The following WARS2 variants were observed in gnomAD, a reference collection of about 807,000 sequenced individuals.
The protein encoded by WARS2 is tryptophan--tRNA ligase, mitochondrial.
Under a neutral mutation model 36.5 loss-of-function variants are expected in WARS2, and 28 were observed. The ratio of observed to expected loss-of-function variants is 0.77; its 90% CI spans 0.57 to 1.05. WARS2 has a LOEUF of 1.05. Among genes scored for constraint, WARS2 ranks in the 50% least tolerant of loss-of-function variants. WARS2 has a pLI of 0.00. For missense variants in WARS2, 435 were observed against 456.8 expected (o/e 0.95, Z 0.44); for synonymous variants, 174 against 178.4 (o/e 0.98, Z 0.20).
chr1:119,116,887 G>A (rs147013915), intron 1 of WARS2, among the ~76,000 whole-genome samples: 48 of 152,310 alleles, frequency 3.2e-4, no homozygotes, highest in Non-Finnish European at 6.3e-4. Context: ...ACTTCCCCGA[G>A]TAGAATCCAG....
intron 1 of WARS2, among the ~76,000 whole-genome samples, chr1:119,106,092 C>T (rs1291539726): frequency 1.3e-5 from 2 of 152,154 alleles, no homozygotes; most frequent in African/African-American, 4.8e-5. Flanking sequence ...TAAAAACCAA[C>T]TTGGAATAGG....
chr1:119,034,713 T>C (rs892401077), intron 4 of WARS2, among the ~76,000 whole-genome samples: 8 of 152,212 alleles, frequency 5.3e-5, no homozygotes, highest in South Asian at 4.1e-4. Flanking sequence ...TTCAATATTC[T>C]TTGGAGTAAG....
intron 1 of WARS2, among the ~76,000 whole-genome samples, chr1:119,118,688 C>A (rs1358315117): frequency 1.3e-5 from 2 of 152,134 alleles, no homozygotes; most frequent in African/African-American, 4.8e-5. Flanking sequence ...GCAAAAGCAT[C>A]AGGTAACTTA....
intron 1 of WARS2, among the ~76,000 whole-genome samples, chr1:119,138,050 A>C (rs1284075913): frequency 1.3e-5 from 2 of 152,196 alleles, no homozygotes; most frequent in African/African-American, 2.4e-5. Flanking sequence ...AGGCTAATAA[A>C]AACTAACTTG....
In WARS2 at chr1:119,085,678, C is replaced by G. The variant is rs958135575; in HGVS notation, c.91-9071G>C. 7 of 1,441,558 alleles carry G rather than the reference C, an allele frequency of 4.9e-6. No individual in the cohort carries two copies. The African/African-American group carries it at 9.8e-5, about 20-fold the overall frequency. The allele number at this position is 1,441,558 out of a possible 1,614,324, so 89.3% of individuals were successfully genotyped here. ...TTGATCCCATTAAAATTGTCAATGG[C>G]CAGAATTGTGCTCCTCTGGTCTTCA... On this transcript the variant is annotated intron_variant, in intron 1 of 5. Coordinates refer to ENST00000235521, the MANE Select transcript of WARS2 (RefSeq NM_015836.4).
At chr1:119,076,052 C>T (rs1340695596) in intron 2 of WARS2, among the ~76,000 whole-genome samples, 1 of 152,130 alleles carries the variant, frequency 6.6e-6, no homozygotes, top group African/African-American at 2.4e-5. Context: ...GAAAGCAACC[C>T]AGCATAGCAA....
In WARS2 at chr1:119,140,565, G is replaced by A; in HGVS notation, c.80C>T (p.Pro27Leu). ...RALHKGSAAA[P>L]ALQKDSKKRV... ...GCCGTCTTTGGTTACCTGGAGAGCG[G>A]GAGCAGCTGCGGATCCCTTATGAAG... is the stretch of plus-strand genomic sequence containing the variant. Residue 27 changes from proline to leucine, a missense_variant, in exon 1 of 6, where the codon CCC (proline) becomes CTC (leucine). Pro to Leu is a moderately conservative substitution (Grantham distance 98). Transcript: ENST00000235521. 6.2e-7 allele frequency: 1 copy of A among 1,613,316 alleles called. No individual in the cohort carries two copies. The highest frequency in any genetic ancestry group is 8.5e-7 in the Non-Finnish European group (1 of 1,179,408).
At chr1:119,131,701 T>C (rs1656126910) in intron 1 of WARS2, among the ~76,000 whole-genome samples, 1 of 152,082 alleles carries the variant, frequency 6.6e-6, no homozygotes, top group East Asian at 1.9e-4. Context: ...GACCTCGTGA[T>C]CTGCCCGCCT....
intron 1 of WARS2, among the ~76,000 whole-genome samples, chr1:119,134,361 C>T (rs1382838931): frequency 1.6e-5 from 1 of 61,840 alleles, no homozygotes; most frequent in Non-Finnish European, 3.6e-5. Context: ...AAACAAAAAA[C>T]AGTTCTTTAG....
intron 2 of WARS2, among the ~76,000 whole-genome samples, chr1:119,071,048 TG>T (rs1651267350): frequency 6.6e-6 from 1 of 152,100 alleles, no homozygotes; most frequent in Non-Finnish European, 1.5e-5. Context: ...CCAAGCTTGG[TG>T]GCAGGCGCCT....
At chr1:119,041,036 C>A (rs769381870) in intron 4 of WARS2, among the ~76,000 whole-genome samples, 5 of 152,200 alleles carry the variant, frequency 3.3e-5, no homozygotes, top group African/African-American at 4.8e-5. Context: ...TGAAGATAGG[C>A]TGCATGTACT....
chr1:119,095,584 C>T (rs1202505049), intron 1 of WARS2, among the ~76,000 whole-genome samples: 1 of 152,122 alleles, frequency 6.6e-6, no homozygotes, highest in African/African-American at 2.4e-5. Context: ...AGGCGCCTGC[C>T]ACCGCGCCCG....
intron 1 of WARS2, among the ~76,000 whole-genome samples, chr1:119,091,636 C>A (rs1182614432): frequency 6.6e-6 from 1 of 152,184 alleles, no homozygotes; most frequent in African/African-American, 2.4e-5. Context: ...ATACTTGTTT[C>A]ATTGAGAAGT....
At chr1:119,091,601 C>T (rs10494221) in intron 1 of WARS2, among the ~76,000 whole-genome samples, 14,084 of 152,206 alleles carry the variant, frequency 0.093, 916 homozygotes, top group Non-Finnish European at 0.13. Context: ...ACACTGCTCA[C>T]GCTAAAGATA....
intron 1 of WARS2, chr1:119,126,495 T>C (rs1041175585): frequency 1.0e-4 from 42 of 413,248 alleles, no homozygotes; most frequent in Admixed American, 7.4e-4. Flanking sequence ...TTTTTTTTTT[T>C]CACAAATAGG....
chr1:119,063,878 G>A (rs1047527469), intron 2 of WARS2: 4 of 152,204 alleles, frequency 2.6e-5, no homozygotes, highest in Non-Finnish European at 4.4e-5. Context: ...AGGGTAGTGT[G>A]GAAAGGAAAT....
intron 1 of WARS2, among the ~76,000 whole-genome samples, chr1:119,101,043 C>CTGGGAGGGATGAGTGTGGGTG (rs1653818894): frequency 6.6e-6 from 1 of 152,030 alleles, no homozygotes; most frequent in East Asian, 1.9e-4. Context: ...AGATAGATAA[C>CTGGGAGGGATGAGTGTGGGTG]AGAGACTGGG....
intron 1 of WARS2, among the ~76,000 whole-genome samples, chr1:119,116,212 G>C (rs1167993916): frequency 6.6e-6 from 1 of 152,186 alleles, no homozygotes; most frequent in Non-Finnish European, 1.5e-5. Flanking sequence ...TTTGTAGTTA[G>C]TAAGTGGAGT....
chr1:119,087,942 G>A (rs1652790531), intron 1 of WARS2, among the ~76,000 whole-genome samples: 1 of 152,170 alleles, frequency 6.6e-6, no homozygotes, highest in African/African-American at 2.4e-5. Flanking sequence ...TTGGGAACTT[G>A]TTAAAAATGC....
Sources: gnomAD v4.1 joint callset for allele counts (sites outside exome capture counted in the v4.1 genomes callset) on GRCh38, gnomAD v4.1.1 for gene constraint, MANE v1.5 for transcripts, NCBI Gene and HGNC (gene_info 2026-07-23, HGNC 2026-07-21) for gene names.